Variants in SLC39A11 observed in about 807,000 individuals in gnomAD.
SLC39A11 encodes the protein solute carrier family 39 member 11, also known as zinc transporter ZIP11.
SLC39A11 carries 33 observed loss-of-function variants against 36.1 expected under a neutral mutation model. That is an observed-to-expected ratio of 0.91 (90% CI 0.69 to 1.22). The LOEUF (loss-of-function observed/expected upper bound fraction) is 1.22, where lower values mean the gene tolerates loss of function less well. Among genes scored for constraint, SLC39A11 ranks in the 50% most tolerant of loss-of-function variants. SLC39A11 has a pLI of 0.00. For missense variants in SLC39A11, 432 were observed against 430.3 expected, an observed-to-expected ratio of 1.00 and a Z score of -0.03; for synonymous variants, 166 against 170.3, an observed-to-expected ratio of 0.97 and a Z score of 0.20.
At chr17:72,678,541 C>T (rs557746591) in intron 7 of SLC39A11, among the ~76,000 whole-genome samples, 2 of 152,210 alleles carry the variant, frequency 1.3e-5, no homozygotes, top group East Asian at 1.9e-4. Flanking sequence ...TCCGTCTCTA[C>T]TAAAAATACA....
chr17:72,687,772 G>C (rs1415102315), intron 7 of SLC39A11, among the ~76,000 whole-genome samples: 2 of 152,326 alleles, frequency 1.3e-5, no homozygotes, highest in Non-Finnish European at 2.9e-5. Context: ...TGACCAACAA[G>C]CATATGCCAA....
chr17:72,886,967 G>A (rs996626942), intron 5 of SLC39A11, among the ~76,000 whole-genome samples: 1 of 152,136 alleles, frequency 6.6e-6, no homozygotes, highest in African/African-American at 2.4e-5. Context: ...TCTTACAGGG[G>A]TCTTCCCTGA....
intron 5 of SLC39A11, among the ~76,000 whole-genome samples, chr17:72,898,681 G>A (rs564677586): frequency 4.6e-5 from 7 of 152,256 alleles, no homozygotes; most frequent in African/African-American, 1.7e-4. Context: ...GCACATACAT[G>A]TATACATGCA....
At chr17:72,857,563 C>T (rs1247845371) in intron 5 of SLC39A11, among the ~76,000 whole-genome samples, 1 of 152,194 alleles carries the variant, frequency 6.6e-6, no homozygotes, top group African/African-American at 2.4e-5. Context: ...TGCCACAGTG[C>T]TTTAGTTCAA....
At chr17:72,804,762 C>T (rs1049758060) in intron 6 of SLC39A11, among the ~76,000 whole-genome samples, 1 of 152,186 alleles carries the variant, frequency 6.6e-6, no homozygotes, top group African/African-American at 2.4e-5. Context: ...GTGGCTCACA[C>T]CTGTAATCCC....
chr17:72,889,336 G>A (rs1448247540), intron 5 of SLC39A11, among the ~76,000 whole-genome samples: 1 of 152,106 alleles, frequency 6.6e-6, no homozygotes, highest in Non-Finnish European at 1.5e-5. Flanking sequence ...CCAACATGGT[G>A]AAACCCCATC....
intron 7 of SLC39A11, among the ~76,000 whole-genome samples, chr17:72,705,802 C>T (rs998115899): frequency 6.6e-6 from 1 of 152,212 alleles, no homozygotes; most frequent in East Asian, 1.9e-4. Context: ...CCGTCGACAA[C>T]GGGTACAATT....
At chr17:72,978,241 C>A (rs1320246973) in intron 4 of SLC39A11, among the ~76,000 whole-genome samples, 2 of 152,136 alleles carry the variant, frequency 1.3e-5, no homozygotes, top group Non-Finnish European at 2.9e-5. Context: ...TCCCTTCTTT[C>A]CTCCCTTGCT....
chr17:73,078,881 A>G (rs2060419672), intron 3 of SLC39A11, among the ~76,000 whole-genome samples: 1 of 152,150 alleles, frequency 6.6e-6, no homozygotes, highest in South Asian at 2.1e-4. Context: ...TTAAAAACAG[A>G]ATACATAAAC....
At chr17:72,868,646 A>G (rs866824111) in intron 5 of SLC39A11, among the ~76,000 whole-genome samples, 161 of 148,658 alleles carry the variant, frequency 1.1e-3, no homozygotes, top group African/African-American at 3.6e-3. Flanking sequence ...AAAAAAAAAA[A>G]AAAGAAAGAA....
chr17:72,728,069 C>G (rs952194762), intron 7 of SLC39A11, among the ~76,000 whole-genome samples: 4 of 152,192 alleles, frequency 2.6e-5, no homozygotes, highest in African/African-American at 9.6e-5. Flanking sequence ...ATAAAAAAGA[C>G]AGTTGGCCTC....
chr17:72,915,530 C>A (rs2083281822), intron 5 of SLC39A11, among the ~76,000 whole-genome samples: 1 of 152,158 alleles, frequency 6.6e-6, no homozygotes, highest in African/African-American at 2.4e-5. Context: ...TTGGGAAATG[C>A]AACTCATACA....
intron 1 of SLC39A11, chr17:73,091,705 C>T (rs1218840889): frequency 6.6e-6 from 1 of 152,206 alleles, no homozygotes; most frequent in Non-Finnish European, 1.5e-5. Context: ...CAATGGGGCT[C>T]AGAATTCCTC....
rs529625229 is a variant in SLC39A11, at chr17:72,939,281, T to G, written c.430+8471A>C. On this transcript the variant is annotated intron_variant, in intron 5 of 9. Coordinates refer to ENST00000255559, the MANE Select transcript of SLC39A11 (RefSeq NM_139177.4). ...TTCGAAACCAGCCTGGCCAACATGGTGAAACCCCATCTTTACTAAAAATAC... is the reference window on the plus strand; with the variant it reads ...TTCGAAACCAGCCTGGCCAACATGGGGAAACCCCATCTTTACTAAAAATAC... 1.6e-4 allele frequency among the ~76,000 whole-genome samples: 24 copies of G among 152,138 alleles called. No homozygotes were observed. The East Asian group carries it at 2.7e-3, about 17-fold the overall frequency.
chr17:72,804,952 G>T (rs1437568534), intron 6 of SLC39A11, among the ~76,000 whole-genome samples: 1 of 152,050 alleles, frequency 6.6e-6, no homozygotes, highest in Admixed American at 6.6e-5. Flanking sequence ...GGAGGCGAAG[G>T]TTGCAGTGAG....
intron 2 of SLC39A11, among the ~76,000 whole-genome samples, chr17:73,088,449 G>A (rs545243636): frequency 6.6e-6 from 1 of 152,260 alleles, no homozygotes; most frequent in South Asian, 2.1e-4. Flanking sequence ...GTGCATGAAG[G>A]TGTCTACAGC....
chr17:72,771,499 C>A (rs992971761), intron 6 of SLC39A11, among the ~76,000 whole-genome samples: 1 of 152,058 alleles, frequency 6.6e-6, no homozygotes, highest in Non-Finnish European at 1.5e-5. Flanking sequence ...TTACAGCATA[C>A]CTGGCCCTCC....
At chr17:72,801,245 G>C (rs929098951) in intron 6 of SLC39A11, among the ~76,000 whole-genome samples, 1 of 152,196 alleles carries the variant, frequency 6.6e-6, no homozygotes, top group Admixed American at 6.5e-5. Flanking sequence ...GTTTGAGACG[G>C]AGTCTCATTC....
chr17:72,737,970 G>A (rs151080557), intron 6 of SLC39A11, among the ~76,000 whole-genome samples: 50 of 152,160 alleles, frequency 3.3e-4, no homozygotes, highest in African/African-American at 1.0e-3. Context: ...GAGGGGTGGC[G>A]TGATCACCAC....
Sources: gnomAD v4.1 joint callset for allele counts (sites outside exome capture counted in the v4.1 genomes callset) on GRCh38, gnomAD v4.1.1 for gene constraint, MANE v1.5 for transcripts, NCBI Gene and HGNC (gene_info 2026-07-23, HGNC 2026-07-21) for gene names.